The following ZFR variants were observed in gnomAD, a reference collection of about 807,000 sequenced individuals.
ZFR encodes the protein zinc finger RNA binding protein, also known as zinc finger RNA-binding protein.
In ZFR, 19 loss-of-function variants were observed where a neutral mutation model predicts 130.7. That is an observed-to-expected ratio of 0.15 (90% CI 0.10 to 0.21). ZFR has a LOEUF of 0.21. Among genes scored for constraint, ZFR ranks in the 10% least tolerant of loss-of-function variants. The pLI is 1.00. For synonymous variants in ZFR, 466 were observed against 456.9 expected, an observed-to-expected ratio of 1.02 and a Z score of -0.25; for missense variants, 872 against 1,321.5, an observed-to-expected ratio of 0.66 and a Z score of 5.27.
Position 32,385,599 on chromosome 5 carries a change from T to C in ZFR, c.2550A>G (p.Ala850=). ...YDIKCAVSEA[A]IILNSCVEPK... ...GTTCCACACATGAATTCAAAATTAT[T>C]GCCGCTTCAGATACAGCACATTTTA... Residue 850 remains alanine, a synonymous_variant, in exon 15 of 20, where the codon GCA becomes GCG. Transcript: ENST00000265069. 6.2e-7 allele frequency: 1 copy of C among 1,613,546 alleles called. No individual in the cohort carries two copies. Among genetic ancestry groups the C allele is most frequent in the East Asian group, 2.2e-5 (1 of 44,846 alleles).
intron 5 of ZFR, among the ~76,000 whole-genome samples, chr5:32,414,251 A>G (rs1221919479): frequency 6.6e-6 from 1 of 152,178 alleles, no homozygotes. Context: ...AGAGTAAGAG[A>G]TAAGAAATCT....
In ZFR at chr5:32,355,849, T is replaced by C; in HGVS notation, c.3136A>G (p.Asn1046Asp). Residue 1046 changes from asparagine to aspartate, a missense_variant, in exon 20 of 20, where the codon AAC becomes GAC. Coordinates refer to ENST00000265069, the MANE Select transcript of ZFR (RefSeq NM_016107.5). ...PQMSQRFNIHNNRKRRRDSDG... is the reference protein window; with the variant it reads ...PQMSQRFNIHDNRKRRRDSDG... ...CTATCTCTTCTTCGTTTCCTGTTGTTGTGGATGTTAAAACGTTGGCTCATT... is the reference window on the plus strand; with the variant it reads ...CTATCTCTTCTTCGTTTCCTGTTGTCGTGGATGTTAAAACGTTGGCTCATT... The C allele has an allele frequency of 6.2e-7, 1 of 1,612,180 alleles. No individual in the cohort carries two copies. Among genetic ancestry groups the C allele is most frequent in the Non-Finnish European group, 8.5e-7 (1 of 1,179,412 alleles).
chr5:32,388,433 C>A (rs1427917742), intron 13 of ZFR, 36 bp downstream of exon 13: 2 of 1,599,952 alleles, frequency 1.3e-6, no homozygotes, highest in Non-Finnish European at 1.7e-6. Context: ...TAAGAAAAAC[C>A]AAAATTACAC....
At chr5:32,362,814 T>C (rs1752466458) in intron 19 of ZFR, among the ~76,000 whole-genome samples, 1 of 152,228 alleles carries the variant, frequency 6.6e-6, no homozygotes, top group African/African-American at 2.4e-5. Context: ...GACCACTTTC[T>C]TTAAGGTCAC....
At chr5:32,371,361 C>A (rs1279319274) in intron 17 of ZFR, among the ~76,000 whole-genome samples, 2 of 152,070 alleles carry the variant, frequency 1.3e-5, no homozygotes, top group African/African-American at 4.8e-5. Context: ...CAGAGCAGGA[C>A]CCTGTCTCAA....
At chr5:32,366,886 T>A (rs1433516257) in intron 17 of ZFR, among the ~76,000 whole-genome samples, 2 of 151,430 alleles carry the variant, frequency 1.3e-5, no homozygotes, top group Non-Finnish European at 2.9e-5. Flanking sequence ...TTTTAATTTT[T>A]TTTTTTTTTT....
intron 17 of ZFR, among the ~76,000 whole-genome samples, chr5:32,365,727 G>A (rs1485440966): frequency 6.6e-6 from 1 of 151,126 alleles, no homozygotes; most frequent in Non-Finnish European, 1.5e-5. Context: ...AGCTGTGGTC[G>A]TGCCGCTGTA....
intron 2 of ZFR, among the ~76,000 whole-genome samples, chr5:32,437,851 AATAATATTTTGGTATCTG>A (rs1754375520): frequency 6.6e-6 from 1 of 152,136 alleles, no homozygotes; most frequent in Admixed American, 6.6e-5. Context: ...TTTTTCTATT[AATAATATTTTGGTATCTG>A]ATATTACAAG....
In ZFR at chr5:32,429,800, A is replaced by G. The variant is rs571406100; in HGVS notation, c.138-9697T>C. 7.2e-5 allele frequency among the ~76,000 whole-genome samples: 11 copies of G among 152,152 alleles called. No individual in the cohort carries two copies. In the South Asian group the frequency reaches 2.1e-3, roughly 29 times the overall value. ...AAAATCTTAAGAGGCCAGGCGCAGT[A>G]GCTCATGCTTGTAATCCTGGCATTT... is the stretch of plus-strand genomic sequence containing the variant. On this transcript the variant is annotated intron_variant, in intron 2 of 19. Coordinates refer to ENST00000265069, the MANE Select transcript of ZFR (RefSeq NM_016107.5).
intron 2 of ZFR, among the ~76,000 whole-genome samples, chr5:32,441,929 G>A (rs1380394335): frequency 7.0e-6 from 1 of 143,730 alleles, no homozygotes; most frequent in Non-Finnish European, 1.5e-5. Context: ...TGTTGTTACA[G>A]TTTAAACTTT....
At chr5:32,402,798 CA>C (rs1042694211) in intron 8 of ZFR, among the ~76,000 whole-genome samples, 40 of 133,490 alleles carry the variant, frequency 3.0e-4, no homozygotes, top group African/African-American at 1.0e-3. Context: ...AAAAAAAAAA[CA>C]AAAAAAACCA....
At chr5:32,384,019 T>C (rs150333175) in intron 15 of ZFR, among the ~76,000 whole-genome samples, 86 of 152,322 alleles carry the variant, frequency 5.6e-4, no homozygotes, top group African/African-American at 2.0e-3. Context: ...TTAGAAGGGA[T>C]AGGTTATCAA....
intron 1 of ZFR, 135 bp downstream of exon 1, chr5:32,444,487 C>T: frequency 7.8e-7 from 1 of 1,281,108 alleles, no homozygotes; most frequent in South Asian, 1.8e-5. Context: ...CCGCCTCGCA[C>T]TCCCTCACTC....
chr5:32,443,236 A>G (rs1337899272), intron 2 of ZFR, among the ~76,000 whole-genome samples: 1 of 152,220 alleles, frequency 6.6e-6, no homozygotes, highest in Non-Finnish European at 1.5e-5. Context: ...GCCTGAATCA[A>G]AAGTCTCAGA....
At chr5:32,403,021 AAC>A (rs1175141531) in intron 8 of ZFR, 83 bp downstream of exon 8, 2 of 1,396,256 alleles carry the variant, frequency 1.4e-6, no homozygotes, top group African/African-American at 2.9e-5. Flanking sequence ...CAGGTCCAAG[AAC>A]ACAGGGAGAA....
chr5:32,399,274 CAAACAAAAACAAAAACAA>C (rs58380702), intron 9 of ZFR, among the ~76,000 whole-genome samples: 5 of 147,924 alleles, frequency 3.4e-5, no homozygotes, highest in East Asian at 2.1e-4. Flanking sequence ...GACTCTGTCT[CAAACAAAAACAAAAACAA>C]AAACAAAAAC....
Position 32,444,718 on chromosome 5 carries a change from C to A in ZFR, c.-60G>T. ...CACCCGCTGCCTCCCTCCTCTGCCC[C>A]GCTCCTCCTCAGCGGAGAACAGACC... On this transcript the variant is annotated 5_prime_UTR_variant, in exon 1 of 20. Coordinates refer to ENST00000265069, the MANE Select transcript of ZFR (RefSeq NM_016107.5). The A allele has an allele frequency of 2.0e-6, 3 of 1,495,638 alleles. No individual in the cohort carries two copies. Among genetic ancestry groups the A allele is most frequent in the East Asian group, 2.9e-5 (1 of 34,078 alleles). The allele number at this position is 1,495,638 out of a possible 1,614,324, so 92.6% of individuals were successfully genotyped here.
chr5:32,390,837 C>T (rs1753151441), intron 11 of ZFR, among the ~76,000 whole-genome samples: 1 of 152,162 alleles, frequency 6.6e-6, no homozygotes, highest in African/African-American at 2.4e-5. Flanking sequence ...TCCTATGTCT[C>T]TACTATGAAG....
At chr5:32,409,765 G>A (rs958507333) in intron 5 of ZFR, among the ~76,000 whole-genome samples, 2 of 152,168 alleles carry the variant, frequency 1.3e-5, no homozygotes. Flanking sequence ...TGGATACAGA[G>A]AGTGACTATA....
Sources: allele counts gnomAD v4.1 joint callset (sites outside exome capture counted in the v4.1 genomes callset), GRCh38; gene constraint gnomAD v4.1.1; transcripts MANE v1.5; gene names NCBI Gene and HGNC (gene_info 2026-07-23, HGNC 2026-07-21).